ARL15: variants seen among roughly 807,000 people sequenced by gnomAD.
ARL15 encodes ADP-ribosylation factor-like protein 15.
In ARL15, 19 loss-of-function variants were observed where a neutral mutation model predicts 25.2. The observed-to-expected ratio is 0.75, with a 90% CI of 0.53 to 1.10. ARL15 has a LOEUF of 1.10. Among genes scored for constraint, ARL15 ranks in the 50% least tolerant of loss-of-function variants. ARL15 has a pLI of 0.00. For missense variants in ARL15, 220 were observed against 246.0 expected (o/e 0.89, Z 0.71); for synonymous variants, 94 against 86.8 (o/e 1.08, Z -0.46).
rs987793875 is a variant in ARL15, at chr5:54,079,981, A to T, written c.462+33221T>A. On this transcript the variant is annotated intron_variant, in intron 4 of 4. Transcript: ENST00000504924. ...GTGAGACTCCGTCACACACACACAC[A>T]CACACACACACACACACACACACAC... 5.0e-3 allele frequency among the ~76,000 whole-genome samples: 618 copies of T among 124,234 alleles called. 8 individuals carry two copies. The highest frequency in any genetic ancestry group is 0.021 in the African/African-American group (579 of 27,798). The allele number at this position is 124,234 out of a possible 152,430, so 81.5% of individuals were successfully genotyped here. A position where few individuals can be genotyped will look rare whatever the true frequency, so the allele number is the denominator to read the frequency against.
At chr5:53,951,612 C>A in intron 4 of ARL15, 1 of 463,422 alleles carries the variant, frequency 2.2e-6, no homozygotes, top group Admixed American at 2.5e-5. Context: ...TTTGGAAAAC[C>A]TTACTTACTC....
chr5:53,987,377 T>C (rs1748331684), intron 4 of ARL15, among the ~76,000 whole-genome samples: 1 of 152,098 alleles, frequency 6.6e-6, no homozygotes, highest in Non-Finnish European at 1.5e-5. Flanking sequence ...TCTAGCCTCG[T>C]CCTTCCACAT....
intron 1 of ARL15, among the ~76,000 whole-genome samples, chr5:54,264,514 G>A (rs993766271): frequency 6.6e-6 from 1 of 152,118 alleles, no homozygotes; most frequent in Admixed American, 6.5e-5. Flanking sequence ...CAGTCACTAA[G>A]AGTAAAAGCC....
At chr5:54,280,895 C>T (rs777905322) in intron 1 of ARL15, among the ~76,000 whole-genome samples, 1 of 151,472 alleles carries the variant, frequency 6.6e-6, no homozygotes, top group Non-Finnish European at 1.5e-5. Flanking sequence ...CCTTCATGCT[C>T]ATCTACATAG....
At chr5:54,091,725 C>A (rs1752133633) in intron 4 of ARL15, among the ~76,000 whole-genome samples, 1 of 151,646 alleles carries the variant, frequency 6.6e-6, no homozygotes. Flanking sequence ...ACCTTTGGAG[C>A]ATTTCTTTAA....
At chr5:54,067,705 T>C (rs1167822758) in intron 4 of ARL15, among the ~76,000 whole-genome samples, 1 of 152,196 alleles carries the variant, frequency 6.6e-6, no homozygotes, top group Non-Finnish European at 1.5e-5. Context: ...ACCATCGTCT[T>C]GGTAATCTCC....
rs3222349 is a variant in ARL15 at position 53,947,167 on chromosome 5, GGTGTGTGTGTGTGTGTGTGT to G, written c.463-60474_463-60455del. ...CTAGCCAAAGAGAAAAATAAATAAG[GGTGTGTGTGTGTGTGTGTGT>G]GTGTGTGTGTGTGTGTGTGTGTGTG... On this transcript the variant is annotated intron_variant, in intron 4 of 4. Coordinates refer to ENST00000504924, the MANE Select transcript of ARL15 (RefSeq NM_019087.3). Among the ~76,000 whole-genome samples, 769 of 123,700 alleles carry G rather than the reference GGTGTGTGTGTGTGTGTGTGT, an allele frequency of 6.2e-3. 6 individuals carry two copies. Among genetic ancestry groups the G allele is most frequent in the African/African-American group, 0.022 (717 of 32,990 alleles). The allele number at this position is 123,700 out of a possible 152,430, so 81.2% of individuals were successfully genotyped here.
intron 4 of ARL15, among the ~76,000 whole-genome samples, chr5:53,978,452 A>G (rs1299852786): frequency 6.6e-6 from 1 of 151,874 alleles, no homozygotes; most frequent in African/African-American, 2.4e-5. Context: ...TTGTTTTACT[A>G]TCTACTCCCG....
chr5:54,060,873 G>A (rs1399781639), intron 4 of ARL15, among the ~76,000 whole-genome samples: 2 of 152,230 alleles, frequency 1.3e-5, no homozygotes, highest in Admixed American at 6.5e-5. Flanking sequence ...AGGAGACTTG[G>A]ATGCTGTTAA....
chr5:54,084,922 T>C (rs1462385036), intron 4 of ARL15, among the ~76,000 whole-genome samples: 1 of 152,206 alleles, frequency 6.6e-6, no homozygotes. Context: ...GGAGAGGCCA[T>C]ATTTATGAAT....
At chr5:53,951,952 G>A (rs980050205) in intron 4 of ARL15, among the ~76,000 whole-genome samples, 2 of 147,714 alleles carry the variant, frequency 1.4e-5, no homozygotes, top group African/African-American at 5.0e-5. Context: ...AATCTGTGCT[G>A]TGATTTTGGA....
intron 1 of ARL15, among the ~76,000 whole-genome samples, chr5:54,297,494 T>C (rs1758497219): frequency 6.6e-6 from 1 of 152,270 alleles, no homozygotes; most frequent in Admixed American, 6.5e-5. Flanking sequence ...AGCCCTCTTA[T>C]GTTATGTCTG....
chr5:54,218,978 T>A (rs961355576), intron 1 of ARL15, among the ~76,000 whole-genome samples: 2 of 116,584 alleles, frequency 1.7e-5, no homozygotes, highest in African/African-American at 6.0e-5. Flanking sequence ...GAAAAACTGC[T>A]ACTGCTGTTT....
At chr5:53,941,528 C>T (rs1289710444) in intron 4 of ARL15, among the ~76,000 whole-genome samples, 1 of 152,184 alleles carries the variant, frequency 6.6e-6, no homozygotes. Flanking sequence ...TGGCTAAGTA[C>T]ATGAAGATAA....
At chr5:54,021,335 C>CA (rs1375077399) in intron 4 of ARL15, among the ~76,000 whole-genome samples, 1 of 151,594 alleles carries the variant, frequency 6.6e-6, no homozygotes, top group African/African-American at 2.4e-5. Flanking sequence ...AACTCCATTT[C>CA]AAAAAACATA....
intron 4 of ARL15, among the ~76,000 whole-genome samples, chr5:54,070,308 T>C (rs1275537259): frequency 1.3e-5 from 2 of 149,510 alleles, no homozygotes; most frequent in African/African-American, 4.9e-5. Context: ...AGGAGAATGG[T>C]GTGAACCTGG....
intron 1 of ARL15, among the ~76,000 whole-genome samples, chr5:54,211,540 A>G (rs1275198626): frequency 7.1e-6 from 1 of 140,358 alleles, no homozygotes; most frequent in African/African-American, 2.7e-5. Flanking sequence ...GTGCAATCTC[A>G]GCTCACGGCA....
At chr5:54,285,892 ACG>A (rs1343332277) in intron 1 of ARL15, among the ~76,000 whole-genome samples, 1 of 152,152 alleles carries the variant, frequency 6.6e-6, no homozygotes, top group African/African-American at 2.4e-5. Flanking sequence ...GTACATGGGA[ACG>A]CTAAAGTGCC....
chr5:54,273,595 A>C (rs1475275722), intron 1 of ARL15, among the ~76,000 whole-genome samples: 4 of 152,206 alleles, frequency 2.6e-5, no homozygotes, highest in African/African-American at 9.7e-5. Flanking sequence ...AGAATGTATC[A>C]AATTCTGCCT....
Sources: gnomAD v4.1 joint callset for allele counts (sites outside exome capture counted in the v4.1 genomes callset) on GRCh38, gnomAD v4.1.1 for gene constraint, MANE v1.5 for transcripts, NCBI Gene and HGNC (gene_info 2026-07-23, HGNC 2026-07-21) for gene names.